CSDC2: variants seen among roughly 807,000 people sequenced by gnomAD.
The protein encoded by CSDC2 is cold shock domain-containing protein C2.
In CSDC2, 8 loss-of-function variants were observed where a neutral mutation model predicts 15.8. The ratio of observed to expected loss-of-function variants is 0.51; its 90% CI spans 0.30 to 0.92. The LOEUF (loss-of-function observed/expected upper bound fraction) is 0.92. CSDC2 is among the 40% of genes least tolerant of loss of function. The pLI is 0.07. For synonymous variants in CSDC2, 96 were observed against 92.3 expected (o/e 1.04, Z -0.23); for missense variants, 195 against 213.3 (o/e 0.91, Z 0.53).
In CSDC2 at chr22:41,575,094, TGGCCAGGA is replaced by T; in HGVS notation, c.*202_*209del. On this transcript the variant is annotated 3_prime_UTR_variant, in exon 4 of 4. Transcript: ENST00000306149. ...CACGACCCGTGACTACTGTGCAAGCTGGCCAGGAGGTAGGTGGAGGGCAAGGCCACCAG... is the reference window on the plus strand; with the variant it reads ...CACGACCCGTGACTACTGTGCAAGCTGGTAGGTGGAGGGCAAGGCCACCAG... The T allele has an allele frequency of 7.4e-6, 5 of 680,226 alleles. No homozygotes were observed. The highest frequency in any genetic ancestry group is 1.2e-5 in the Non-Finnish European group (5 of 413,036). 42.1% of individuals were successfully genotyped at this position (680,226 alleles called of 1,614,324 possible).
rs2067081005 is a variant in CSDC2, at chr22:41,561,060, ACACACACACACACACACACAC to A, written c.-246_-226del. The A allele has an allele frequency of 2.5e-5, 3 of 121,918 alleles. No homozygotes were observed. Among genetic ancestry groups the A allele is most frequent in the African/African-American group, 3.0e-5 (1 of 32,908 alleles). The allele number at this position is 121,918 out of a possible 1,614,324, so 7.6% of individuals were successfully genotyped here. A position where few individuals can be genotyped will look rare whatever the true frequency, so the allele number is the denominator to read the frequency against. Reference sequence around the variant, plus strand: ...AGCACACACAGACACACACACACACACACACACACACACACACACACATCTTCCAGACCCATCCCCTGCCTG... The same window carrying A: ...AGCACACACAGACACACACACACACAATCTTCCAGACCCATCCCCTGCCTG... On this transcript the variant is annotated 5_prime_UTR_variant, in exon 1 of 4. Transcript: ENST00000306149.
intron 3 of CSDC2, among the ~76,000 whole-genome samples, chr22:41,573,979 C>T (rs1282013096): frequency 6.6e-6 from 1 of 152,222 alleles, no homozygotes; most frequent in Non-Finnish European, 1.5e-5. Context: ...ACCCCAGAAG[C>T]CTGGGAGCCA....
At chr22:41,568,991 C>G (rs967983049) in intron 1 of CSDC2, among the ~76,000 whole-genome samples, 5 of 152,254 alleles carry the variant, frequency 3.3e-5, no homozygotes, top group African/African-American at 1.2e-4. Flanking sequence ...GCATCTCCCC[C>G]TCTCCATCCT....
At chr22:41,565,535 A>AG (rs2067109925) in intron 1 of CSDC2, among the ~76,000 whole-genome samples, 1 of 151,906 alleles carries the variant, frequency 6.6e-6, no homozygotes. Flanking sequence ...CTGAGGCTGC[A>AG]GTGAGCCATG....
At chr22:41,566,348 G>A (rs2067114118) in intron 1 of CSDC2, among the ~76,000 whole-genome samples, 1 of 150,478 alleles carries the variant, frequency 6.6e-6, no homozygotes, top group South Asian at 2.1e-4. Flanking sequence ...GGAGGCTGAG[G>A]CAGAAGAATC....
chr22:41,572,418 A>G (rs1601998104), intron 2 of CSDC2, among the ~76,000 whole-genome samples: 3 of 127,504 alleles, frequency 2.4e-5, no homozygotes, highest in Admixed American at 9.3e-5. Flanking sequence ...CCATCCATCC[A>G]TCCATCCATC....
Position 41,572,021 on chromosome 22 carries a change from C to G in CSDC2, c.56C>G (p.Ser19Cys). ...PVVPPLHSPK[S>C]PVWPTFPFHR... Reference sequence around the variant, plus strand: ...GTGCCCCCGCTCCACTCCCCCAAGTCCCCAGTCTGGCCCACCTTCCCCTTC... The same window carrying G: ...GTGCCCCCGCTCCACTCCCCCAAGTGCCCAGTCTGGCCCACCTTCCCCTTC... Residue 19 changes from serine to cysteine, a missense_variant, in exon 2 of 4, where the codon TCC (serine) becomes TGC (cysteine). Ser to Cys is a moderately radical substitution (Grantham distance 112). Coordinates refer to ENST00000306149, the MANE Select transcript of CSDC2 (RefSeq NM_014460.4). 1 of 1,361,150 alleles carries G rather than the reference C, an allele frequency of 7.3e-7. No homozygotes were observed. Among genetic ancestry groups the G allele is most frequent in the Non-Finnish European group, 9.5e-7 (1 of 1,054,754 alleles). The allele number at this position is 1,361,150 out of a possible 1,614,324, so 84.3% of individuals were successfully genotyped here. A position where few individuals can be genotyped will look rare whatever the true frequency, so the allele number is the denominator to read the frequency against.
chr22:41,563,506 G>A (rs1284737605), intron 1 of CSDC2, among the ~76,000 whole-genome samples: 4 of 152,160 alleles, frequency 2.6e-5, no homozygotes, highest in African/African-American at 4.8e-5. Context: ...TATTGGGGGA[G>A]TTGTTTTTAA....
intron 1 of CSDC2, among the ~76,000 whole-genome samples, chr22:41,562,590 G>A (rs1384829332): frequency 6.6e-6 from 1 of 152,194 alleles, no homozygotes; most frequent in African/African-American, 2.4e-5. Context: ...GGCTGGTGGG[G>A]AGGGGACACC....
intron 3 of CSDC2, 43 bp from the exon 4 acceptor site, chr22:41,574,690 C>G: frequency 6.2e-7 from 1 of 1,601,822 alleles, no homozygotes; most frequent in Non-Finnish European, 8.5e-7. Flanking sequence ...GTCTGGGGCA[C>G]AGGGCCTGCT....
intron 1 of CSDC2, among the ~76,000 whole-genome samples, chr22:41,570,776 C>G (rs78476834): frequency 7.0e-6 from 1 of 143,752 alleles, no homozygotes; most frequent in Non-Finnish European, 1.5e-5. Context: ...GAGCCGAGAT[C>G]ACACCACTGT....
rs532540282 is a variant in CSDC2 at position 41,575,241 on chromosome 22, C to A, written c.*346C>A. 1 of 341,744 alleles carries A rather than the reference C, an allele frequency of 2.9e-6. No homozygotes were observed. Among genetic ancestry groups the A allele is most frequent in the South Asian group, 3.4e-5 (1 of 29,058 alleles). 21.2% of individuals were successfully genotyped at this position (341,744 alleles called of 1,614,324 possible). On this transcript the variant is annotated 3_prime_UTR_variant, in exon 4 of 4. Coordinates refer to ENST00000306149, the MANE Select transcript of CSDC2 (RefSeq NM_014460.4). ...ACGGTGACTGAGCTGCGAGAGCCTG[C>A]GCTGGGCTCACTCCCTGGCCTCCGC...
intron 1 of CSDC2, among the ~76,000 whole-genome samples, chr22:41,563,410 G>C (rs2067097907): frequency 6.6e-6 from 1 of 152,130 alleles, no homozygotes; most frequent in South Asian, 2.1e-4. Flanking sequence ...TCATCCTTGT[G>C]TTCCCCGTCC....
intron 3 of CSDC2, 106 bp from the exon 4 acceptor site, chr22:41,574,627 C>A: frequency 7.2e-7 from 1 of 1,382,248 alleles, no homozygotes; most frequent in South Asian, 1.4e-5. Flanking sequence ...GCCAGGCCTC[C>A]TGGCCTAGGG....
chr22:41,567,404 G>A (rs1406148965), intron 1 of CSDC2, among the ~76,000 whole-genome samples: 3 of 152,212 alleles, frequency 2.0e-5, no homozygotes, highest in African/African-American at 7.2e-5. Flanking sequence ...GTAACTGGGA[G>A]GTTGAAACGT....
In CSDC2 at chr22:41,575,538, G is replaced by A. The variant is rs1016989825; in HGVS notation, c.*643G>A. ...AGGAAGAGGGGCCTGAGGGCGGAAG[G>A]GGTTTGGGGCTCCCATTTCGCCGGC... On this transcript the variant is annotated 3_prime_UTR_variant, in exon 4 of 4. Coordinates refer to ENST00000306149, the MANE Select transcript of CSDC2 (RefSeq NM_014460.4). The A allele has an allele frequency of 6.5e-6, 1 of 153,096 alleles. No individual in the cohort carries two copies. Among genetic ancestry groups the A allele is most frequent in the Non-Finnish European group, 1.5e-5 (1 of 68,790 alleles). The allele number at this position is 153,096 out of a possible 1,614,324, so 9.5% of individuals were successfully genotyped here. A position where few individuals can be genotyped will look rare whatever the true frequency, so the allele number is the denominator to read the frequency against.
At chr22:41,572,435 CCTGTCCATCCATCCATCCATCCAT>C (rs2067152259) in intron 2 of CSDC2, among the ~76,000 whole-genome samples, 4 of 82,894 alleles carry the variant, frequency 4.8e-5, no homozygotes, top group Admixed American at 2.5e-4. Flanking sequence ...CATCCATCCA[CCTGTCCATCCATCCATCCATCCAT>C]CCACCCACCC....
At chr22:41,573,561 G>A in intron 2 of CSDC2, 94 bp from the exon 3 acceptor site, 1 of 1,460,066 alleles carries the variant, frequency 6.8e-7, no homozygotes, top group South Asian at 1.3e-5. Context: ...TCACAGCCCT[G>A]AGGCACGCTC....
At chr22:41,564,737 C>T (rs948806532) in intron 1 of CSDC2, among the ~76,000 whole-genome samples, 3 of 152,092 alleles carry the variant, frequency 2.0e-5, no homozygotes, top group African/African-American at 4.8e-5. Context: ...TCATCTGGAC[C>T]AACGATGATT....
Sources: gnomAD v4.1 joint callset for allele counts (sites outside exome capture counted in the v4.1 genomes callset) on GRCh38, gnomAD v4.1.1 for gene constraint, MANE v1.5 for transcripts, NCBI Gene and HGNC (gene_info 2026-07-23, HGNC 2026-07-21) for gene names.